CCDC77: variants seen among roughly 807,000 people sequenced by gnomAD.
CCDC77 encodes the protein coiled-coil domain-containing protein 77.
Under a neutral mutation model 66.8 loss-of-function variants are expected in CCDC77, and 56 were observed. The ratio of observed to expected loss-of-function variants is 0.84; its 90% CI spans 0.68 to 1.05. CCDC77 has a LOEUF of 1.05. CCDC77 is among the 50% of genes least tolerant of loss of function. CCDC77 has a pLI of 0.00. For missense variants in CCDC77, 570 were observed against 576.8 expected (o/e 0.99, Z 0.12); for synonymous variants, 196 against 195.2 (o/e 1.00, Z -0.03).
intron 4 of CCDC77, among the ~76,000 whole-genome samples, chr12:415,467 CATA>C (rs766092743): frequency 4.2e-4 from 61 of 145,016 alleles, no homozygotes; most frequent in South Asian, 1.1e-3. Flanking sequence ...TAATTATTAA[CATA>C]ATAATATGTT....
rs181999252 is a variant in CCDC77 at position 405,556 on chromosome 12, T to A, written c.-25T>A. 2.6e-5 allele frequency: 4 copies of A among 152,302 alleles called. No individual in the cohort carries two copies. The East Asian group carries it at 5.8e-4, about 22-fold the overall frequency. The allele number at this position is 152,302 out of a possible 1,614,324, so 9.4% of individuals were successfully genotyped here. A position where few individuals can be genotyped will look rare whatever the true frequency, so the allele number is the denominator to read the frequency against. ...ATTGACCCAATTTGGAGACGTATTT[T>A]GGAAGGAGGTGAGTTTGGAGGAGGA... is the stretch of plus-strand genomic sequence containing the variant. On this transcript the variant is annotated 5_prime_UTR_variant, in exon 2 of 13. Coordinates refer to ENST00000239830, the MANE Select transcript of CCDC77 (RefSeq NM_032358.4).
intron 3 of CCDC77, 126 bp downstream of exon 3, chr12:409,547 T>A: frequency 4.7e-6 from 4 of 852,760 alleles, no homozygotes; most frequent in Non-Finnish European, 7.6e-6. Context: ...AGACAGAGTT[T>A]CACTCTGTGC....
At chr12:399,881 G>C (rs888536906), upstream of CCDC77, among the ~76,000 whole-genome samples, 1 of 152,198 alleles carries the variant, frequency 6.6e-6, no homozygotes, top group Non-Finnish European at 1.5e-5. Flanking sequence ...TAACATGAGA[G>C]TCAGTCTGTT....
At chr12:417,132 CAAA>C (rs35593098) in intron 4 of CCDC77, among the ~76,000 whole-genome samples, 3 of 128,346 alleles carry the variant, frequency 2.3e-5, no homozygotes, top group Middle Eastern at 3.6e-3. Flanking sequence ...GGCTCTGTCT[CAAA>C]AAAAAAAAAA....
chr12:413,449 C>T (rs1407840594), intron 4 of CCDC77, among the ~76,000 whole-genome samples: 1 of 151,810 alleles, frequency 6.6e-6, no homozygotes, highest in East Asian at 1.9e-4. Flanking sequence ...CCGTGTTAGC[C>T]AGGATGGTCT....
chr12:438,074 C>T (rs1945789103), intron 9 of CCDC77, among the ~76,000 whole-genome samples: 3 of 152,122 alleles, frequency 2.0e-5, no homozygotes, highest in African/African-American at 4.8e-5. Flanking sequence ...TCCTTCTAAT[C>T]ATATAATCTG....
chr12:438,254 C>T (rs1035074493), intron 9 of CCDC77, 81 bp from the exon 10 acceptor site: 2 of 966,348 alleles, frequency 2.1e-6, no homozygotes, highest in African/African-American at 1.6e-5. Flanking sequence ...AAGAACCACT[C>T]TCTTCCATTT....
chr12:438,671 C>T, intron 10 of CCDC77, 117 bp downstream of exon 10: 1 of 715,194 alleles, frequency 1.4e-6, no homozygotes, highest in East Asian at 2.7e-5. Flanking sequence ...CTGGTAGCAG[C>T]TGCCTCAAGA....
intron 1 of CCDC77, among the ~76,000 whole-genome samples, chr12:390,828 C>T (rs556806692): frequency 3.9e-5 from 6 of 152,304 alleles, no homozygotes; most frequent in African/African-American, 1.4e-4. Flanking sequence ...AAGATGGCCT[C>T]ACTTACGTGT....
At chr12:440,459 T>G (rs1281649945) in intron 10 of CCDC77, among the ~76,000 whole-genome samples, 158 bp from the exon 11 acceptor site, 1 of 152,196 alleles carries the variant, frequency 6.6e-6, no homozygotes, top group East Asian at 1.9e-4. Context: ...TAGAAGTAGA[T>G]TTTCAGATGT....
chr12:440,306 T>A (rs561846756), intron 10 of CCDC77, among the ~76,000 whole-genome samples: 4 of 152,234 alleles, frequency 2.6e-5, no homozygotes, highest in South Asian at 4.1e-4. Context: ...AGAAGAACTT[T>A]AGAAATGTAG....
intron 5 of CCDC77, among the ~76,000 whole-genome samples, chr12:425,197 C>T (rs909980279): frequency 1.1e-4 from 17 of 151,492 alleles, no homozygotes; most frequent in Non-Finnish European, 2.9e-5. Flanking sequence ...TCCCAAAGTG[C>T]TGGGATGTCA....
intron 1 of CCDC77, among the ~76,000 whole-genome samples, chr12:390,690 G>A (rs922737114): frequency 6.6e-6 from 1 of 151,832 alleles, no homozygotes; most frequent in East Asian, 1.9e-4. Flanking sequence ...GGACTTGGAA[G>A]CTCTATAATC....
Position 394,602 on chromosome 12 carries a change from T to C in CCDC77, c.-113+5116T>C, listed in dbSNP as rs186446254. On this transcript the variant is annotated intron_variant, in intron 1 of 11. Transcript: ENST00000422000. ...CCCTTTCTCTCATACGAATTTCCAC[T>C]GTGGCATTCCAATGACCTTCAAGCA... Among the ~76,000 whole-genome samples the C allele has an allele frequency of 1.2e-4, 18 of 152,392 alleles. No homozygotes were observed. In the East Asian group the frequency reaches 3.5e-3, roughly 29 times the overall value.
At chr12:408,083 G>A (rs1037559226) in intron 2 of CCDC77, among the ~76,000 whole-genome samples, 10 of 152,092 alleles carry the variant, frequency 6.6e-5, no homozygotes, top group African/African-American at 2.4e-4. Flanking sequence ...CACCGCACCC[G>A]GCCACAGGAC....
upstream of CCDC77, among the ~76,000 whole-genome samples, chr12:398,163 A>T (rs562311788): frequency 1.3e-5 from 2 of 152,302 alleles, no homozygotes; most frequent in South Asian, 4.1e-4. Flanking sequence ...CTTTCATGAA[A>T]GATTTCTCTG....
intron 5 of CCDC77, among the ~76,000 whole-genome samples, chr12:423,368 G>A (rs1205097030): frequency 6.9e-6 from 1 of 145,156 alleles, no homozygotes; most frequent in Non-Finnish European, 1.5e-5. Context: ...TCAAACTCCT[G>A]AGCTCAAGCA....
intron 1 of CCDC77, among the ~76,000 whole-genome samples, chr12:393,671 A>G (rs926192057): frequency 6.6e-6 from 1 of 152,016 alleles, no homozygotes; most frequent in African/African-American, 2.4e-5. Flanking sequence ...AGCTGCGATT[A>G]CAGGCACCCA....
intron 5 of CCDC77, among the ~76,000 whole-genome samples, chr12:423,598 TGA>T (rs1945477509): frequency 6.7e-6 from 1 of 148,480 alleles, no homozygotes; most frequent in Non-Finnish European, 1.5e-5. Flanking sequence ...CAGGCTCAGA[TGA>T]TCCCCCCAAC....
Sources: gnomAD v4.1 joint callset for allele counts (sites outside exome capture counted in the v4.1 genomes callset) on GRCh38, gnomAD v4.1.1 for gene constraint, MANE v1.5 for transcripts, NCBI Gene and HGNC (gene_info 2026-07-23, HGNC 2026-07-21) for gene names.